Variants in CUL4B observed in about 807,000 individuals in gnomAD.
CUL4B encodes the protein cullin 4B.
In CUL4B, 1 loss-of-function variant was observed where a neutral mutation model predicts 69.2. The ratio of observed to expected loss-of-function variants is 0.01; its 90% CI spans 0.01 to 0.07. The LOEUF (loss-of-function observed/expected upper bound fraction) is 0.07, where lower values mean the gene tolerates loss of function less well. Among genes scored for constraint, CUL4B ranks in the 10% least tolerant of loss-of-function variants. The pLI is 1.00. For missense variants in CUL4B, 328 were observed against 638.8 expected (o/e 0.51, Z 5.24); for synonymous variants, 237 against 223.2 (o/e 1.06, Z -0.55).
At chrX:120,544,237 T>G in intron 6 of CUL4B, 34 bp from the exon 7 acceptor site, 2 of 1,011,822 alleles carry the variant, frequency 2.0e-6, no homozygotes, top group Non-Finnish European at 1.4e-6. Flanking sequence ...AGATCATTTA[T>G]TTAGCAAATA....
At chrX:120,572,464 C>CAAAA (rs66749436) in intron 2 of CUL4B, among the ~76,000 whole-genome samples, 1 of 50,428 alleles carries the variant, frequency 2.0e-5, no homozygotes, top group African/African-American at 7.5e-5. Context: ...CAAAACTCCT[C>CAAAA]AAAAAAAAAA....
At position 120,544,756 on chromosome X, in the gene CUL4B, G is replaced by A. The variant is rs1602579722; in HGVS notation, c.921-113C>T. ...CTAATTAGGGCTCCAGGGCTTTGAA[G>A]CAGCAATTGTCAAAAAATAAAATCC... On this transcript the variant is annotated intron_variant, in intron 5 of 19. Transcript: ENST00000371322. 8.8e-6 allele frequency: 5 copies of A among 566,551 alleles called. No individual in the cohort carries two copies. The East Asian group carries it at 1.7e-4, about 19-fold the overall frequency. The allele number at this position is 566,551 out of a possible 1,213,427, so 46.7% of individuals were successfully genotyped here.
downstream of CUL4B, among the ~76,000 whole-genome samples, chrX:120,568,535 CA>C (rs2067014689): frequency 9.0e-6 from 1 of 111,452 alleles, no homozygotes; most frequent in Non-Finnish European, 1.9e-5. Flanking sequence ...TTATTCCCAC[CA>C]ACAGCATTAT....
intron 2 of CUL4B, among the ~76,000 whole-genome samples, chrX:120,550,377 C>A (rs1924616016): frequency 8.9e-6 from 1 of 111,814 alleles, no homozygotes; most frequent in South Asian, 3.7e-4. Context: ...ATAGAAAGGG[C>A]TTCTAGTATG....
At chrX:120,539,971 T>C (rs933759831) in intron 11 of CUL4B, among the ~76,000 whole-genome samples, 2 of 111,561 alleles carry the variant, frequency 1.8e-5, no homozygotes, top group Non-Finnish European at 3.8e-5. Flanking sequence ...ATCACATCCT[T>C]ATGCTAAATG....
chrX:120,570,232 A>T (rs1282828969), downstream of CUL4B, among the ~76,000 whole-genome samples: 2 of 111,544 alleles, frequency 1.8e-5, no homozygotes, highest in Non-Finnish European at 3.8e-5. Context: ...ACAAAGCGGG[A>T]GAATAGGGTT....
exon 3 of CUL4B, chrX:120,571,864 T>A (rs1474510069): frequency 2.7e-5 from 3 of 111,030 alleles, no homozygotes; most frequent in Non-Finnish European, 5.7e-5. Flanking sequence ...ACTTTTTGTA[T>A]CTGTGGGTTC....
rs201629851 is a variant in CUL4B at position 120,543,052 on chromosome X, A to G, written c.1257-19T>C. The stretch of plus-strand genomic sequence containing the variant: ...TGACTTCCTACAAGGAAAAAAAAAA[A>G]GGTTAGTATTATTGACGTTTGACTT... On this transcript the variant is annotated intron_variant, in intron 8 of 19. Coordinates refer to ENST00000371322, the MANE Select transcript of CUL4B (RefSeq NM_001079872.2). 427 of 1,080,268 alleles carry G rather than the reference A, an allele frequency of 4.0e-4. 3 individuals carry two copies. In the African/African-American group the frequency reaches 6.9e-3, roughly 18 times the overall value. The allele number at this position is 1,080,268 out of a possible 1,213,427, so 89.0% of individuals were successfully genotyped here. A position where few individuals can be genotyped will look rare whatever the true frequency, so the allele number is the denominator to read the frequency against.
chrX:120,564,363 T>C (rs765755721), upstream of CUL4B, among the ~76,000 whole-genome samples: 6 of 111,349 alleles, frequency 5.4e-5, no homozygotes, highest in South Asian at 1.9e-3. Flanking sequence ...CCCAAAACTT[T>C]GGGAGGCTGA....
At chrX:120,554,017 G>A (rs1056803855) in intron 2 of CUL4B, among the ~76,000 whole-genome samples, 13 of 111,387 alleles carry the variant, frequency 1.2e-4, no homozygotes, top group Non-Finnish European at 2.4e-4. Flanking sequence ...CATTTGGAAT[G>A]TAATCTATTT....
Position 120,538,105 on chromosome X carries a change from G to C in CUL4B, c.1938+19C>G. ...AATACAACTAAGTTTGAGGAATTAA[G>C]AGTTTAACTCACTTTTACCTGTTTG... On this transcript the variant is annotated intron_variant, in intron 14 of 19. Transcript: ENST00000371322. The C allele has an allele frequency of 9.4e-7, 1 of 1,068,992 alleles. No individual in the cohort carries two copies. Among genetic ancestry groups the C allele is most frequent in the Non-Finnish European group, 1.3e-6 (1 of 767,341 alleles). The allele number at this position is 1,068,992 out of a possible 1,213,427, so 88.1% of individuals were successfully genotyped here.
chrX:120,555,705 G>T (rs1051871839), intron 2 of CUL4B, among the ~76,000 whole-genome samples: 2 of 110,107 alleles, frequency 1.8e-5, no homozygotes, highest in African/African-American at 6.6e-5. Context: ...ACCTTGGGAG[G>T]TGGAGGCGGG....
chrX:120,573,214 G>A (rs1262976260), intron 2 of CUL4B, among the ~76,000 whole-genome samples: 1 of 111,338 alleles, frequency 9.0e-6, no homozygotes, highest in Non-Finnish European at 1.9e-5. Context: ...CATAATTACT[G>A]TACATATAGC....
At chrX:120,538,916 T>G (rs948633195) in intron 12 of CUL4B, 146 bp from the exon 13 acceptor site, 1 of 447,725 alleles carries the variant, frequency 2.2e-6, no homozygotes, top group African/African-American at 2.5e-5. Flanking sequence ...CAAGAAACAG[T>G]AGAGATCCAT....
At chrX:120,534,649 C>T (rs1569387851) in intron 16 of CUL4B, 63 bp from the exon 17 acceptor site, 1 of 753,213 alleles carries the variant, frequency 1.3e-6, no homozygotes, top group East Asian at 3.2e-5. Flanking sequence ...AATTAATCAT[C>T]TCTTATAGGA....
intron 2 of CUL4B, among the ~76,000 whole-genome samples, chrX:120,572,876 C>A (rs1338254479): frequency 1.8e-5 from 2 of 111,495 alleles, no homozygotes; most frequent in Non-Finnish European, 3.8e-5. Flanking sequence ...CGTTGCTGGA[C>A]TGACAATTTC....
intron 1 of CUL4B, among the ~76,000 whole-genome samples, chrX:120,559,313 A>T (rs1432368487): frequency 8.9e-6 from 1 of 112,575 alleles, no homozygotes; most frequent in Admixed American, 9.4e-5. Flanking sequence ...ATACATTTTT[A>T]AAAATTGCTG....
chrX:120,545,278 G>A (rs1385901470), intron 5 of CUL4B, among the ~76,000 whole-genome samples, 166 bp downstream of exon 5: 1 of 111,843 alleles, frequency 8.9e-6, no homozygotes, highest in Non-Finnish European at 1.9e-5. Context: ...TTCAATATTA[G>A]CATAGGCAAC....
chrX:120,528,409 C>CAA (rs1315505804), intron 19 of CUL4B, among the ~76,000 whole-genome samples: 1 of 74,954 alleles, frequency 1.3e-5, no homozygotes, highest in Non-Finnish European at 2.6e-5. Context: ...GACTCCATCT[C>CAA]AAAAAAAAAA....
Sources: allele counts gnomAD v4.1 joint callset (sites outside exome capture counted in the v4.1 genomes callset), GRCh38; gene constraint gnomAD v4.1.1; transcripts MANE v1.5; gene names NCBI Gene and HGNC (gene_info 2026-07-23, HGNC 2026-07-21).